Variants in NTRK3 observed in about 807,000 individuals in gnomAD.
The protein encoded by NTRK3 is NT-3 growth factor receptor.
In NTRK3, 24 loss-of-function variants were observed where a neutral mutation model predicts 91.7. The ratio of observed to expected loss-of-function variants is 0.26; its 90% CI spans 0.19 to 0.37. The LOEUF (loss-of-function observed/expected upper bound fraction) is 0.37. Among genes scored for constraint, NTRK3 ranks in the 10% least tolerant of loss-of-function variants. The probability of loss-of-function intolerance (pLI) is 1.00; values close to 1 mark genes in which losing one functional copy is unlikely to be tolerated. For missense variants in NTRK3, 880 were observed against 1,068.9 expected (o/e 0.82, Z 2.46); for synonymous variants, 483 against 404.0 (o/e 1.20, Z -2.34).
At chr15:88,066,016 C>A (rs76616485) in intron 13 of NTRK3, among the ~76,000 whole-genome samples, 1 of 152,192 alleles carries the variant, frequency 6.6e-6, no homozygotes, top group Non-Finnish European at 1.5e-5. Flanking sequence ...TTTTAGAGAA[C>A]GCCATAGTAA....
chr15:88,135,914 C>T, exon 9 of NTRK3: 1 of 1,614,150 alleles, frequency 6.2e-7, no homozygotes. Context: ...ACAGTGAGGG[C>T]AACACTGGCA....
chr15:88,170,964 C>T (rs1053498855), intron 5 of NTRK3, among the ~76,000 whole-genome samples: 1 of 152,192 alleles, frequency 6.6e-6, no homozygotes, highest in Admixed American at 6.5e-5. Context: ...AATTCAACCC[C>T]TCTGTGTGTA....
chr15:88,130,766 G>A (rs1384555848), intron 10 of NTRK3, among the ~76,000 whole-genome samples: 1 of 152,236 alleles, frequency 6.6e-6, no homozygotes, highest in Non-Finnish European at 1.5e-5. Flanking sequence ...CAGATTTAAA[G>A]AGAGTGAGAT....
chr15:87,974,074 C>T (rs1454520782), intron 14 of NTRK3, among the ~76,000 whole-genome samples: 3 of 152,204 alleles, frequency 2.0e-5, no homozygotes, highest in African/African-American at 7.2e-5. Flanking sequence ...TGCTGCCTCA[C>T]CATTGTATCT....
At position 88,241,342 on chromosome 15, in the gene NTRK3, G is replaced by A. The variant is rs117678218; in HGVS notation, c.248+14564C>T. 7.7e-4 allele frequency among the ~76,000 whole-genome samples: 117 copies of A among 152,308 alleles called. 2 individuals carry two copies. In the East Asian group the frequency reaches 0.019, roughly 24 times the overall value. ...AGTGAGTGACAGAAGGAGGGCAGGG[G>A]GATGTCAGTCACCTGGATGGGAGAC... On this transcript the variant is annotated intron_variant, in intron 3 of 18. Transcript: ENST00000394480. This position sits in a 1 kb window ranked among gnomAD's most constrained non-coding sequence, Gnocchi z 4.3.
intron 5 of NTRK3, among the ~76,000 whole-genome samples, chr15:88,159,804 C>T (rs990672106): frequency 1.3e-5 from 2 of 152,066 alleles, no homozygotes; most frequent in South Asian, 2.1e-4. Context: ...GGACGTGCCC[C>T]TGGCTGGTCC....
intron 5 of NTRK3, among the ~76,000 whole-genome samples, chr15:88,155,925 A>C (rs906569730): frequency 6.6e-6 from 1 of 152,130 alleles, no homozygotes; most frequent in Admixed American, 6.5e-5. Flanking sequence ...GCTCATCTCA[A>C]TTTGAATTGG....
At chr15:88,124,552 C>T (rs2053085165) in intron 13 of NTRK3, among the ~76,000 whole-genome samples, 1 of 152,220 alleles carries the variant, frequency 6.6e-6, no homozygotes, top group South Asian at 2.1e-4. Context: ...CTGATGTTTT[C>T]TCAGGTGGAA....
chr15:87,960,348 TA>T (rs1290845502), intron 14 of NTRK3, among the ~76,000 whole-genome samples: 2 of 152,228 alleles, frequency 1.3e-5, no homozygotes, highest in African/African-American at 4.8e-5. Context: ...TCTAAGGTTG[TA>T]AAGCTTCCAC....
chr15:87,917,109 G>C (rs2117651), intron 17 of NTRK3, among the ~76,000 whole-genome samples: 22 of 152,198 alleles, frequency 1.4e-4, no homozygotes, highest in African/African-American at 4.1e-4. Flanking sequence ...GTTTTTCTGA[G>C]TCTTATAATG....
chr15:88,024,242 G>A (rs567655949), intron 14 of NTRK3, among the ~76,000 whole-genome samples: 1 of 152,318 alleles, frequency 6.6e-6, no homozygotes, highest in African/African-American at 2.4e-5. Flanking sequence ...AGCAGTTCCA[G>A]CTTTGGTTAT....
intron 13 of NTRK3, among the ~76,000 whole-genome samples, chr15:88,058,965 A>G (rs1052255051): frequency 1.3e-5 from 2 of 152,198 alleles, no homozygotes; most frequent in Non-Finnish European, 2.9e-5. Context: ...GATGTTCACC[A>G]TCAGCAGCAA....
chr15:87,992,744 T>C (rs1256423052), intron 14 of NTRK3, among the ~76,000 whole-genome samples: 2 of 152,024 alleles, frequency 1.3e-5, no homozygotes, highest in East Asian at 1.9e-4. Flanking sequence ...TCATGCCAAG[T>C]TGCCCTGTTA....
intron 6 of NTRK3, among the ~76,000 whole-genome samples, chr15:88,137,924 G>A (rs2042028497): frequency 1.3e-5 from 2 of 151,184 alleles, no homozygotes; most frequent in African/African-American, 2.4e-5. Context: ...GGTGGCGCAC[G>A]CCTGTAGTCC....
chr15:88,200,541 G>C (rs115217238), intron 3 of NTRK3, among the ~76,000 whole-genome samples: 4 of 152,160 alleles, frequency 2.6e-5, no homozygotes, highest in Non-Finnish European at 5.9e-5. Flanking sequence ...TGCTGTTCTC[G>C]TGATAATGGG....
intron 14 of NTRK3, among the ~76,000 whole-genome samples, chr15:87,948,555 C>A (rs550680231): frequency 8.5e-5 from 13 of 152,248 alleles, no homozygotes; most frequent in African/African-American, 2.9e-4. Context: ...GCACTCAGTG[C>A]CATGTGCTTA....
At chr15:87,899,748 G>A (rs186892747) in intron 17 of NTRK3, among the ~76,000 whole-genome samples, 51 of 152,250 alleles carry the variant, frequency 3.3e-4, no homozygotes, top group African/African-American at 1.1e-3. Context: ...AAGGGTAGTC[G>A]GATGCACATC....
intron 3 of NTRK3, among the ~76,000 whole-genome samples, chr15:88,219,196 C>T (rs767245805): frequency 4.8e-4 from 73 of 152,360 alleles, no homozygotes; most frequent in Non-Finnish European, 8.7e-4. Flanking sequence ...CAACTTCCCC[C>T]TTCAATATCA....
rs772598156 is a variant in NTRK3, at chr15:87,880,307, T to C, written c.2255A>G (p.Tyr752Cys). ...GAGTTGGAACCATGGCTGCTTTCCA[T>C]AGGTGAAGATCTCCCAGAGGATCAC... is the stretch of plus-strand genomic sequence containing the variant. Residue 752 changes from tyrosine (Y) to cysteine (C), a missense_variant, in exon 18 of 19, where the codon TAT becomes TGT. Around this residue, in one of 3 missense-constraint regions of NTRK3, gnomAD observed 99 missense variants for 168.9 expected, o/e 0.59. Coordinates refer to ENST00000394480, the Ensembl canonical transcript of NTRK3. The C allele has an allele frequency of 6.2e-6, 10 of 1,613,976 alleles. No homozygotes were observed. Among genetic ancestry groups the C allele is most frequent in the African/African-American group, 5.3e-5 (4 of 74,888 alleles).
Sources: gnomAD v4.1 joint callset for allele counts (sites outside exome capture counted in the v4.1 genomes callset) on GRCh38, gnomAD v4.1.1 for gene constraint, gnomAD v4.1.1 regional missense constraint, Gnocchi (gnomAD v3.1) non-coding constraint, MANE v1.5 for transcripts, NCBI Gene and HGNC (gene_info 2026-07-23, HGNC 2026-07-21) for gene names.